Variants in MAD1L1 observed in about 807,000 individuals in gnomAD.
The protein encoded by MAD1L1 is mitotic spindle assembly checkpoint protein MAD1.
A neutral mutation model predicts 96.9 loss-of-function variants in MAD1L1; 95 were observed. The ratio of observed to expected loss-of-function variants is 0.98; its 90% confidence interval spans 0.83 to 1.16. MAD1L1 has a LOEUF of 1.16. MAD1L1 is among the 50% of genes most tolerant of loss of function. The pLI, the probability that MAD1L1 is intolerant of heterozygous loss-of-function variation, is 0.00. For synonymous variants in MAD1L1, 473 were observed against 396.6 expected, an observed-to-expected ratio of 1.19 and a Z score of -2.29; for missense variants, 1,007 against 954.4, an observed-to-expected ratio of 1.06 and a Z score of -0.73.
intron 18 of MAD1L1, among the ~76,000 whole-genome samples, chr7:1,867,386 A>T (rs1784827880): frequency 2.0e-5 from 3 of 152,168 alleles, no homozygotes; most frequent in Admixed American, 6.5e-5. Context: ...TCCAGCATGG[A>T]AGGCGGCACT....
At chr7:1,980,617 C>G in intron 14 of MAD1L1, 76 bp from the exon 15 acceptor site, 2 of 1,185,242 alleles carry the variant, frequency 1.7e-6, no homozygotes, top group Non-Finnish European at 2.5e-6. Context: ...GCCCAGGCCC[C>G]TGAGACCACC....
At chr7:2,134,510 G>A (rs6973528) in intron 11 of MAD1L1, among the ~76,000 whole-genome samples, 32 of 152,206 alleles carry the variant, frequency 2.1e-4, no homozygotes, top group African/African-American at 3.6e-4. Context: ...GTACGACAGC[G>A]AATAGGAGTG....
chr7:1,978,780 G>C (rs568732028), intron 15 of MAD1L1, among the ~76,000 whole-genome samples: 1 of 152,148 alleles, frequency 6.6e-6, no homozygotes, highest in Non-Finnish European at 1.5e-5. Context: ...ACATGGAGAC[G>C]CAGATGAAGA....
intron 10 of MAD1L1, among the ~76,000 whole-genome samples, chr7:2,169,919 G>A (rs991869287): frequency 4.1e-4 from 55 of 135,392 alleles, no homozygotes; most frequent in Admixed American, 1.5e-4. Flanking sequence ...AAGGCCCACC[G>A]GGGGCACTTG....
intron 17 of MAD1L1, among the ~76,000 whole-genome samples, chr7:1,928,285 G>A (rs1383433446): frequency 7.5e-6 from 1 of 134,074 alleles, no homozygotes; most frequent in Non-Finnish European, 1.6e-5. Context: ...GCCCACGACA[G>A]AACTGCCACA....
chr7:2,074,008 C>T (rs1785260824), intron 11 of MAD1L1, among the ~76,000 whole-genome samples: 1 of 152,156 alleles, frequency 6.6e-6, no homozygotes, highest in Non-Finnish European at 1.5e-5. Context: ...AATCCAACAC[C>T]AAGACGTGAC....
chr7:2,223,082 C>T (rs1793695971), intron 4 of MAD1L1, among the ~76,000 whole-genome samples: 1 of 152,222 alleles, frequency 6.6e-6, no homozygotes, highest in Admixed American at 6.5e-5. Flanking sequence ...TAAAATTCAG[C>T]ATTGACCTTG....
chr7:2,162,188 A>C (rs1293980792), intron 10 of MAD1L1, among the ~76,000 whole-genome samples: 3 of 152,186 alleles, frequency 2.0e-5, no homozygotes, highest in Non-Finnish European at 1.5e-5. Context: ...TCAGATTGTT[A>C]CTGTGTCTGT....
chr7:1,921,842 T>G lies in MAD1L1; in HGVS notation c.1807+14845A>C, dbSNP rs149108003. ...TAGTGATCTGGAAAAAAAATCAATT[T>G]AGATCTCGACCTCATACCATACACC... is the stretch of plus-strand genomic sequence containing the variant. On this transcript the variant is annotated intron_variant, in intron 17 of 18. Coordinates refer to ENST00000265854, the MANE Select transcript of MAD1L1 (RefSeq NM_001013836.2). Among the ~76,000 whole-genome samples the G allele has an allele frequency of 8.5e-3, 1,293 of 152,310 alleles. 24 individuals are homozygous for G. The highest frequency in any genetic ancestry group is 0.029 in the African/African-American group (1,211 of 41,546).
chr7:1,867,758 C>T (rs1010534050), intron 18 of MAD1L1, among the ~76,000 whole-genome samples: 1 of 152,226 alleles, frequency 6.6e-6, no homozygotes, highest in African/African-American at 2.4e-5. Flanking sequence ...GGAGGTGACA[C>T]AGTCCCTCAT....
intron 5 of MAD1L1, among the ~76,000 whole-genome samples, chr7:2,222,079 T>A (rs1340118477): frequency 1.3e-5 from 2 of 151,892 alleles, no homozygotes; most frequent in African/African-American, 4.8e-5. Flanking sequence ...GCTTAACTTT[T>A]TTTTTTTTTT....
intron 11 of MAD1L1, among the ~76,000 whole-genome samples, chr7:2,120,982 G>C (rs149279710): frequency 1.3e-5 from 2 of 152,202 alleles, no homozygotes; most frequent in Non-Finnish European, 2.9e-5. Flanking sequence ...GAAGACAGGC[G>C]GCTGCCATCA....
intron 10 of MAD1L1, among the ~76,000 whole-genome samples, chr7:2,205,084 C>CTTTTTTTTTTTTTTTTTT (rs56101356): frequency 9.6e-6 from 1 of 103,862 alleles, no homozygotes; most frequent in Non-Finnish European, 1.8e-5. Context: ...AGGATCTTTT[C>CTTTTTTTTTTTTTTTTTT]TTTTTTTTTT....
intron 12 of MAD1L1, among the ~76,000 whole-genome samples, chr7:2,038,666 C>A (rs1363658507): frequency 6.6e-6 from 1 of 151,916 alleles, no homozygotes; most frequent in Admixed American, 6.6e-5. Flanking sequence ...GTGTGTGCCA[C>A]CACGCCTCAC....
chr7:2,127,329 C>T (rs542129877), intron 11 of MAD1L1, among the ~76,000 whole-genome samples: 2 of 152,340 alleles, frequency 1.3e-5, no homozygotes, highest in African/African-American at 4.8e-5. Context: ...CAGCAAGACA[C>T]AGGAGGCTGT....
At chr7:2,196,538 G>A (rs1791994271) in intron 10 of MAD1L1, among the ~76,000 whole-genome samples, 1 of 152,222 alleles carries the variant, frequency 6.6e-6, no homozygotes, top group South Asian at 2.1e-4. Context: ...TGCACTACGT[G>A]GGCAGACTGT....
chr7:1,874,438 G>A (rs933591962), intron 18 of MAD1L1: 8 of 439,282 alleles, frequency 1.8e-5, no homozygotes, highest in Non-Finnish European at 2.3e-5. Flanking sequence ...GGTAGCACCC[G>A]CCGTGGCCAG....
intron 17 of MAD1L1, among the ~76,000 whole-genome samples, chr7:1,923,442 TC>T (rs1788910150): frequency 6.6e-6 from 1 of 152,144 alleles, no homozygotes; most frequent in African/African-American, 2.4e-5. Flanking sequence ...CCTGCGCTCT[TC>T]CGCCCCGGCA....
intron 11 of MAD1L1, among the ~76,000 whole-genome samples, chr7:2,105,527 T>A (rs1446979004): frequency 1.3e-5 from 2 of 151,664 alleles, no homozygotes; most frequent in South Asian, 2.1e-4. Flanking sequence ...ACAACCCAAA[T>A]GTCTGCTTTG....
Sources: allele counts gnomAD v4.1 joint callset (sites outside exome capture counted in the v4.1 genomes callset), GRCh38; gene constraint gnomAD v4.1.1; transcripts MANE v1.5; gene names NCBI Gene and HGNC (gene_info 2026-07-23, HGNC 2026-07-21).